The following SCHIP1 variants were observed in gnomAD, a reference collection of about 807,000 sequenced individuals.
SCHIP1 encodes the protein schwannomin-interacting protein 1.
In SCHIP1, 8 loss-of-function variants were observed where a neutral mutation model predicts 29.7. The observed-to-expected ratio is 0.27, with a 90% confidence interval of 0.16 to 0.49. The LOEUF (loss-of-function observed/expected upper bound fraction) is 0.49. Among genes scored for constraint, SCHIP1 ranks in the 20% least tolerant of loss-of-function variants. The pLI, the probability that SCHIP1 is intolerant of heterozygous loss-of-function variation, is 0.99. For missense variants in SCHIP1, 193 were observed against 294.6 expected (o/e 0.66, Z 2.52); for synonymous variants, 76 against 94.9 (o/e 0.80, Z 1.16).
chr3:159,449,738 A>G, the SCHIP1 span, among the ~76,000 whole-genome samples: 1 of 152,214 alleles, frequency 6.6e-6, no homozygotes, highest in African/African-American at 2.4e-5. Context: ...AATTCCATTT[A>G]GATTAATTTC....
At chr3:159,739,785 A>ATT in the SCHIP1 span, among the ~76,000 whole-genome samples, 1 of 152,182 alleles carries the variant, frequency 6.6e-6, no homozygotes, top group Non-Finnish European at 1.5e-5. Context: ...ACAATATGTG[A>ATT]TTTTTTTCTC....
At chr3:159,533,674 G>A in the SCHIP1 span, among the ~76,000 whole-genome samples, 1 of 152,076 alleles carries the variant, frequency 6.6e-6, no homozygotes, top group Non-Finnish European at 1.5e-5. Context: ...GGCAGTGAGT[G>A]GATTGATTTG....
At chr3:159,606,381 T>C in the SCHIP1 span, among the ~76,000 whole-genome samples, 41 of 152,270 alleles carry the variant, frequency 2.7e-4, no homozygotes, top group East Asian at 7.7e-3. Flanking sequence ...CTTTTTAAAG[T>C]TTCATTTCAT....
the SCHIP1 span, among the ~76,000 whole-genome samples, chr3:159,669,327 A>G: frequency 1.3e-5 from 2 of 152,244 alleles, no homozygotes; most frequent in Non-Finnish European, 2.9e-5. Context: ...GCTCATTTCG[A>G]CAGCAACCAA....
chr3:159,456,493 A>G, the SCHIP1 span, among the ~76,000 whole-genome samples: 1 of 152,174 alleles, frequency 6.6e-6, no homozygotes, highest in Non-Finnish European at 1.5e-5. Context: ...CTTACAAGAA[A>G]TCTGTACCTC....
chr3:159,551,457 A>C, the SCHIP1 span, among the ~76,000 whole-genome samples: 2 of 152,186 alleles, frequency 1.3e-5, no homozygotes, highest in Non-Finnish European at 2.9e-5. Context: ...GCTTTAGTGC[A>C]CTGAGAAAAA....
intron 1 of SCHIP1, among the ~76,000 whole-genome samples, chr3:159,853,915 C>T (rs1170877811): frequency 6.6e-6 from 1 of 152,054 alleles, no homozygotes; most frequent in Non-Finnish European, 1.5e-5. Flanking sequence ...AGTATCTGTT[C>T]ATCTTTTCCC....
At chr3:159,275,178 G>A in the SCHIP1 span, 5 of 590,834 alleles carry the variant, frequency 8.5e-6, no homozygotes, top group Non-Finnish European at 1.1e-5. Flanking sequence ...ATTGATGTCA[G>A]TATTTAAAAG....
At chr3:159,322,787 T>A in the SCHIP1 span, among the ~76,000 whole-genome samples, 1 of 152,214 alleles carries the variant, frequency 6.6e-6, no homozygotes, top group Non-Finnish European at 1.5e-5. Context: ...ATGCGGGGTG[T>A]CTGGCCTTTC....
At chr3:159,774,634 A>G in the SCHIP1 span, among the ~76,000 whole-genome samples, 1 of 152,206 alleles carries the variant, frequency 6.6e-6, no homozygotes, top group South Asian at 2.1e-4. Context: ...TAGGCTAGGA[A>G]AAGCCCAGGT....
At chr3:159,594,274 G>A in the SCHIP1 span, among the ~76,000 whole-genome samples, 6 of 152,352 alleles carry the variant, frequency 3.9e-5, no homozygotes, top group South Asian at 1.0e-3. Flanking sequence ...TAATTAACAA[G>A]AGAAAATCAG....
the SCHIP1 span, among the ~76,000 whole-genome samples, chr3:159,516,400 G>A: frequency 3.9e-5 from 6 of 152,098 alleles, no homozygotes; most frequent in East Asian, 1.9e-4. Flanking sequence ...TTGACTCCTC[G>A]CTCTGCCTCT....
chr3:159,717,800 T>C, the SCHIP1 span, among the ~76,000 whole-genome samples: 1 of 152,006 alleles, frequency 6.6e-6, no homozygotes, highest in Non-Finnish European at 1.5e-5. Flanking sequence ...CTTCCAGAGG[T>C]ACAAAGAGGA....
the SCHIP1 span, among the ~76,000 whole-genome samples, chr3:159,427,321 C>A: frequency 2.0e-5 from 3 of 151,776 alleles, no homozygotes; most frequent in Non-Finnish European, 4.4e-5. Context: ...AGCCCAAAAT[C>A]TCCTTAAGCT....
chr3:159,578,189 G>A, the SCHIP1 span, among the ~76,000 whole-genome samples: 15 of 152,066 alleles, frequency 9.9e-5, no homozygotes, highest in African/African-American at 3.6e-4. Flanking sequence ...GGTTATACTA[G>A]AATAATCTGC....
chr3:159,330,296 G>C, the SCHIP1 span, among the ~76,000 whole-genome samples: 2 of 152,160 alleles, frequency 1.3e-5, no homozygotes, highest in South Asian at 2.1e-4. Context: ...AGATGGCATT[G>C]TGTAAGATTG....
At chr3:159,780,160 A>T in the SCHIP1 span, among the ~76,000 whole-genome samples, 1 of 152,194 alleles carries the variant, frequency 6.6e-6, no homozygotes, top group East Asian at 1.9e-4. Context: ...CTGCAGGTAG[A>T]AGAGCTCCCG....
At chr3:159,424,856 TA>T in the SCHIP1 span, among the ~76,000 whole-genome samples, 3 of 152,064 alleles carry the variant, frequency 2.0e-5, no homozygotes, top group Non-Finnish European at 2.9e-5. Context: ...GCAGAAACTC[TA>T]AAAGCCAGAA....
the SCHIP1 span, among the ~76,000 whole-genome samples, chr3:159,569,390 T>A: frequency 3.3e-5 from 5 of 152,176 alleles, no homozygotes; most frequent in African/African-American, 1.2e-4. Flanking sequence ...ATTATTCAAT[T>A]CCCACCTATA....
Sources: gnomAD v4.1 joint callset for allele counts (sites outside exome capture counted in the v4.1 genomes callset) on GRCh38, gnomAD v4.1.1 for gene constraint, MANE v1.5 for transcripts, NCBI Gene and HGNC (gene_info 2026-07-23, HGNC 2026-07-21) for gene names.